The following PRIM2 variants were observed in gnomAD, a reference collection of about 807,000 sequenced individuals.
The protein encoded by PRIM2 is DNA primase large subunit.
Under a neutral mutation model 67.3 loss-of-function variants are expected in PRIM2, and 39 were observed. The observed-to-expected ratio is 0.58, with a 90% CI of 0.45 to 0.76. The LOEUF (loss-of-function observed/expected upper bound fraction) is 0.76. PRIM2 is among the 30% of genes least tolerant of loss of function. PRIM2 has a pLI of 0.00. For synonymous variants in PRIM2, 143 were observed against 198.7 expected (o/e 0.72, Z 2.36); for missense variants, 398 against 598.7 (o/e 0.66, Z 3.50).
At chr6:57,376,929 G>A (rs1400731143) in intron 5 of PRIM2, among the ~76,000 whole-genome samples, 1 of 152,124 alleles carries the variant, frequency 6.6e-6, no homozygotes, top group African/African-American at 2.4e-5. Flanking sequence ...CCAGGCTGGA[G>A]TGCAGTGGCA....
At chr6:57,483,996 T>G (rs1401688742) in intron 7 of PRIM2, among the ~76,000 whole-genome samples, 2 of 152,200 alleles carry the variant, frequency 1.3e-5, no homozygotes, top group Non-Finnish European at 2.9e-5. Context: ...CTAAAATGAT[T>G]ACGATATTAA....
chr6:57,635,180 CT>C (rs1470539501), intron 13 of PRIM2, among the ~76,000 whole-genome samples: 1 of 152,098 alleles, frequency 6.6e-6, no homozygotes, highest in Non-Finnish European at 1.5e-5. Context: ...GTAATACCAG[CT>C]GCCTCATTAT....
chr6:57,444,535 C>T (rs1037711654), intron 7 of PRIM2, among the ~76,000 whole-genome samples: 10 of 150,906 alleles, frequency 6.6e-5, no homozygotes, highest in Non-Finnish European at 1.2e-4. Flanking sequence ...CCACTGCATT[C>T]CAGCCTGGGT....
At chr6:57,357,649 A>G (rs1769074267) in intron 5 of PRIM2, among the ~76,000 whole-genome samples, 1 of 148,130 alleles carries the variant, frequency 6.8e-6, no homozygotes, top group Non-Finnish European at 1.5e-5. Context: ...GCTGGAGTGC[A>G]GTGGTGCGAT....
intron 13 of PRIM2, among the ~76,000 whole-genome samples, chr6:57,643,400 C>A (rs1777280322): frequency 6.6e-6 from 1 of 152,126 alleles, no homozygotes; most frequent in Admixed American, 6.5e-5. Flanking sequence ...AGTCAGAAGG[C>A]CTGAATTTTA....
the PRIM2 span, among the ~76,000 whole-genome samples, chr6:57,241,734 A>G: frequency 4.9e-4 from 62 of 126,778 alleles, no homozygotes; most frequent in Middle Eastern, 6.9e-3. Context: ...GTGCAGTGGC[A>G]CGATCTCGGC....
At chr6:57,295,709 C>T in the PRIM2 span, among the ~76,000 whole-genome samples, 194 of 152,296 alleles carry the variant, frequency 1.3e-3, 1 homozygote, top group African/African-American at 4.5e-3. Context: ...ATCTTAACTA[C>T]CAATTGCCTG....
At chr6:57,322,691 G>T (rs1767699790) in intron 3 of PRIM2, among the ~76,000 whole-genome samples, 1 of 152,058 alleles carries the variant, frequency 6.6e-6, no homozygotes, top group African/African-American at 2.4e-5. Context: ...CTCAGTCTTG[G>T]GTATGTCTTT....
chr6:57,270,905 G>C, the PRIM2 span, among the ~76,000 whole-genome samples: 1 of 151,776 alleles, frequency 6.6e-6, no homozygotes, highest in Non-Finnish European at 1.5e-5. Flanking sequence ...TTTGTCTTTG[G>C]TTCTGTTTAT....
intron 7 of PRIM2, among the ~76,000 whole-genome samples, chr6:57,426,110 T>C (rs1771616402): frequency 6.6e-6 from 1 of 152,218 alleles, no homozygotes; most frequent in Non-Finnish European, 1.5e-5. Context: ...TATAATAATC[T>C]GCATAGATTT....
chr6:57,525,897 T>G (rs1468388194), intron 8 of PRIM2, among the ~76,000 whole-genome samples: 2 of 152,160 alleles, frequency 1.3e-5, no homozygotes, highest in African/African-American at 4.8e-5. Context: ...TGCTGAGAGA[T>G]AGGGGGGTTG....
the PRIM2 span, among the ~76,000 whole-genome samples, chr6:57,305,477 G>A: frequency 6.6e-6 from 1 of 152,188 alleles, no homozygotes; most frequent in Non-Finnish European, 1.5e-5. Flanking sequence ...TCAGTCTCAT[G>A]TTAAAAACTG....
chr6:57,241,024 A>G, the PRIM2 span, among the ~76,000 whole-genome samples: 7 of 152,110 alleles, frequency 4.6e-5, no homozygotes, highest in East Asian at 1.4e-3. Context: ...GGAGATCGAG[A>G]CCATCCTGGC....
chr6:57,466,938 G>A (rs1773212356), intron 7 of PRIM2, among the ~76,000 whole-genome samples: 1 of 151,984 alleles, frequency 6.6e-6, no homozygotes, highest in African/African-American at 2.4e-5. Context: ...CTGACCAAAT[G>A]GAGAAACGCT....
intron 10 of PRIM2, among the ~76,000 whole-genome samples, chr6:57,585,151 A>G (rs1776166574): frequency 6.6e-6 from 1 of 152,184 alleles, no homozygotes. Context: ...CTAGATGCAG[A>G]TTTTTCTAAT....
chr6:57,398,160 G>A (rs2894846), intron 7 of PRIM2, among the ~76,000 whole-genome samples: 2 of 151,714 alleles, frequency 1.3e-5, no homozygotes, highest in South Asian at 2.1e-4. Context: ...GGGTTTCACC[G>A]TGTTGGCCAG....
At chr6:57,260,125 T>C in the PRIM2 span, among the ~76,000 whole-genome samples, 1 of 152,134 alleles carries the variant, frequency 6.6e-6, no homozygotes. Context: ...CCAAAGCCAA[T>C]GGTGAAGGGC....
intron 10 of PRIM2, among the ~76,000 whole-genome samples, chr6:57,566,610 G>A (rs1775746111): frequency 6.6e-6 from 1 of 152,048 alleles, no homozygotes; most frequent in South Asian, 2.1e-4. Flanking sequence ...CTAAGTTTTT[G>A]ATACCAATTC....
chr6:57,270,690 A>T, the PRIM2 span, among the ~76,000 whole-genome samples: 1 of 152,154 alleles, frequency 6.6e-6, no homozygotes, highest in Non-Finnish European at 1.5e-5. Context: ...GAGAGAGGGC[A>T]TCCCTGTCTT....
Sources: gnomAD v4.1 joint callset for allele counts (sites outside exome capture counted in the v4.1 genomes callset) on GRCh38, gnomAD v4.1.1 for gene constraint, MANE v1.5 for transcripts, NCBI Gene and HGNC (gene_info 2026-07-23, HGNC 2026-07-21) for gene names.